FSTL5: variants seen among roughly 807,000 people sequenced by gnomAD.
The protein encoded by FSTL5 is follistatin-related protein 5.
In FSTL5, 62 loss-of-function variants were observed where a neutral mutation model predicts 89.1. The observed-to-expected ratio is 0.70, with a 90% CI of 0.57 to 0.86. The LOEUF (loss-of-function observed/expected upper bound fraction) is 0.86, where lower values mean the gene tolerates loss of function less well. Ranked by LOEUF, FSTL5 falls within the 40% of genes least tolerant of loss-of-function variation. The probability of loss-of-function intolerance (pLI) is 0.00; values close to 1 mark genes in which losing one functional copy is unlikely to be tolerated. For missense variants in FSTL5, 1,057 were observed against 1,001.6 expected, an observed-to-expected ratio of 1.06 and a Z score of -0.75; for synonymous variants, 383 against 346.2, an observed-to-expected ratio of 1.11 and a Z score of -1.18.
intron 15 of FSTL5, among the ~76,000 whole-genome samples, chr4:161,423,173 T>A (rs1732046334): frequency 6.6e-6 from 1 of 152,188 alleles, no homozygotes; most frequent in South Asian, 2.1e-4. Flanking sequence ...ACAATCACCA[T>A]TTCCCTCATA....
chr4:161,781,050 G>GT (rs1262949315), intron 4 of FSTL5, among the ~76,000 whole-genome samples: 1 of 151,922 alleles, frequency 6.6e-6, no homozygotes, highest in African/African-American at 2.4e-5. Flanking sequence ...GAATAAAAAT[G>GT]TTTTTATTTA....
rs1212386462 is a variant in FSTL5 at position 162,140,446 on chromosome 4, A to G, written c.-17+23169T>C. On this transcript the variant is annotated intron_variant, in intron 1 of 15. Transcript: ENST00000306100. ...TGAATCTTTACAACAGTAAAAACTA[A>G]TGTATGAAAGCTGCAAGTCATCATA... 2.0e-5 allele frequency among the ~76,000 whole-genome samples: 3 copies of G among 152,220 alleles called. No homozygotes were observed. In the East Asian group the frequency reaches 5.8e-4, roughly 29 times the overall value.
intron 7 of FSTL5, among the ~76,000 whole-genome samples, chr4:161,631,742 A>C (rs1394174069): frequency 6.6e-6 from 1 of 152,214 alleles, no homozygotes; most frequent in African/African-American, 2.4e-5. Flanking sequence ...TGACACACAA[A>C]TTACTACAAA....
At chr4:161,839,927 G>A (rs1449492104) in intron 4 of FSTL5, among the ~76,000 whole-genome samples, 7 of 152,182 alleles carry the variant, frequency 4.6e-5, no homozygotes, top group African/African-American at 1.7e-4. Context: ...TGCTTCAGGA[G>A]AGCATGTAGA....
At chr4:161,684,641 G>A (rs1356388561) in intron 6 of FSTL5, among the ~76,000 whole-genome samples, 2 of 152,080 alleles carry the variant, frequency 1.3e-5, no homozygotes, top group African/African-American at 4.8e-5. Context: ...ATTTGTTTGA[G>A]TTCCTTGTAG....
At chr4:161,788,439 T>A (rs570547092) in intron 4 of FSTL5, among the ~76,000 whole-genome samples, 114 of 152,198 alleles carry the variant, frequency 7.5e-4, no homozygotes, top group Non-Finnish European at 1.3e-3. Context: ...CCTCTGATAG[T>A]TGTTCCACTA....
chr4:161,953,534 T>C (rs1026646697), intron 3 of FSTL5, among the ~76,000 whole-genome samples: 1 of 151,656 alleles, frequency 6.6e-6, no homozygotes, highest in African/African-American at 2.4e-5. Context: ...TGCAACCAAA[T>C]ATAAACTCAT....
At chr4:161,537,215 CT>C (rs1560943145) in intron 10 of FSTL5, among the ~76,000 whole-genome samples, 3 of 152,206 alleles carry the variant, frequency 2.0e-5, no homozygotes, top group Admixed American at 2.0e-4. Flanking sequence ...ATGCTTTAAC[CT>C]TGTTCAAACA....
At chr4:162,110,400 A>G (rs1270044719) in intron 2 of FSTL5, among the ~76,000 whole-genome samples, 1 of 151,982 alleles carries the variant, frequency 6.6e-6, no homozygotes, top group African/African-American at 2.4e-5. Flanking sequence ...TGATACTTAC[A>G]AAATAATTTC....
chr4:161,633,626 T>C (rs962453848), intron 7 of FSTL5, among the ~76,000 whole-genome samples: 3 of 152,104 alleles, frequency 2.0e-5, no homozygotes, highest in African/African-American at 7.2e-5. Flanking sequence ...ATTACAGATG[T>C]GAACCACCGC....
In FSTL5 at chr4:162,108,367, T is replaced by C. The variant is rs529416427; in HGVS notation, c.126+2904A>G. 1.2e-4 allele frequency among the ~76,000 whole-genome samples: 19 copies of C among 152,210 alleles called. No individual in the cohort carries two copies. The East Asian group carries it at 3.1e-3, about 25-fold the overall frequency. On this transcript the variant is annotated intron_variant, in intron 2 of 15. Coordinates refer to ENST00000306100, the MANE Select transcript of FSTL5 (RefSeq NM_020116.5). ...CATATTTTCCTTTTTGATTCCAAAA[T>C]TGGATTCATTATATGGCTGGCACAC...
chr4:161,553,392 A>C (rs1333119383), intron 8 of FSTL5, among the ~76,000 whole-genome samples: 1 of 151,400 alleles, frequency 6.6e-6, no homozygotes, highest in Non-Finnish European at 1.5e-5. Flanking sequence ...AAGGATGTAA[A>C]TATATATATT....
intron 14 of FSTL5, among the ~76,000 whole-genome samples, chr4:161,456,544 C>G (rs972651192): frequency 3.3e-5 from 5 of 152,198 alleles, no homozygotes; most frequent in African/African-American, 1.2e-4. Flanking sequence ...TCTCTTCCAG[C>G]TTAATCTTTT....
intron 6 of FSTL5, among the ~76,000 whole-genome samples, chr4:161,701,556 A>G (rs1458899841): frequency 6.6e-6 from 1 of 152,150 alleles, no homozygotes; most frequent in Non-Finnish European, 1.5e-5. Context: ...TTTATAATCT[A>G]GTATAAAGTC....
chr4:161,521,620 G>A lies in FSTL5; in HGVS notation c.1313-11196C>T, dbSNP rs535480506. Among the ~76,000 whole-genome samples the A allele has an allele frequency of 4.6e-5, 7 of 151,892 alleles. No homozygotes were observed. In the South Asian group the frequency reaches 8.3e-4, roughly 18 times the overall value. On this transcript the variant is annotated intron_variant, in intron 10 of 15. Transcript: ENST00000306100. The stretch of plus-strand genomic sequence containing the variant: ...CCCCAGCACTTTGAGAAGCCGAGGC[G>A]GGCAGATCACAAGGTCAGGAGATCG...
intron 12 of FSTL5, among the ~76,000 whole-genome samples, chr4:161,498,305 C>CA (rs1476086699): frequency 8.5e-5 from 13 of 152,100 alleles, no homozygotes; most frequent in African/African-American, 3.1e-4. Flanking sequence ...GCAAAACTGT[C>CA]ACATCAAATT....
intron 3 of FSTL5, among the ~76,000 whole-genome samples, chr4:162,006,410 G>A (rs140274727): frequency 1.3e-5 from 2 of 151,986 alleles, no homozygotes; most frequent in Non-Finnish European, 2.9e-5. Context: ...AAATATGCAT[G>A]CCTTGTGATA....
At chr4:162,081,793 TTC>T (rs5863514) in intron 2 of FSTL5, among the ~76,000 whole-genome samples, 268 of 148,578 alleles carry the variant, frequency 1.8e-3, no homozygotes, top group East Asian at 8.2e-3. Context: ...AGAAAACTGC[TTC>T]TCTCTCTCTC....
At chr4:162,145,880 T>C (rs931345298) in intron 1 of FSTL5, among the ~76,000 whole-genome samples, 2 of 152,142 alleles carry the variant, frequency 1.3e-5, no homozygotes, top group African/African-American at 4.8e-5. Context: ...GAGAGACTAT[T>C]TTGAATTTCC....
Sources: gnomAD v4.1 joint callset for allele counts (sites outside exome capture counted in the v4.1 genomes callset) on GRCh38, gnomAD v4.1.1 for gene constraint, MANE v1.5 for transcripts, NCBI Gene and HGNC (gene_info 2026-07-23, HGNC 2026-07-21) for gene names.